ASB14: variants seen among roughly 807,000 people sequenced by gnomAD.
ASB14 encodes the protein ankyrin repeat and SOCS box protein 14.
In ASB14, 63 loss-of-function variants were observed where a neutral mutation model predicts 55.6. The ratio of observed to expected loss-of-function variants is 1.13; its 90% CI spans 0.92 to 1.40. ASB14 has a LOEUF of 1.40. ASB14 is among the 40% of genes most tolerant of loss of function. The pLI is 0.00. For synonymous variants in ASB14, 256 were observed against 259.9 expected, an observed-to-expected ratio of 0.98 and a Z score of 0.15; for missense variants, 724 against 710.4, an observed-to-expected ratio of 1.02 and a Z score of -0.22.
chr3:57,280,850 A>G (rs1223796771), intron 6 of ASB14, among the ~76,000 whole-genome samples: 1 of 152,196 alleles, frequency 6.6e-6, no homozygotes, highest in Non-Finnish European at 1.5e-5. Flanking sequence ...ATCAAACTAT[A>G]ATACCATGCC....
At chr3:57,281,276 A>T (rs1037521189) in intron 6 of ASB14, among the ~76,000 whole-genome samples, 1 of 151,424 alleles carries the variant, frequency 6.6e-6, no homozygotes, top group Non-Finnish European at 1.5e-5. Context: ...TATGTGAGTG[A>T]TGTGAATAAT....
rs1373848210 is a variant in ASB14 at position 57,268,702 on chromosome 3, CA to C, written c.*938del. 3.0e-6 allele frequency: 1 copy of C among 331,382 alleles called. No homozygotes were observed. Among genetic ancestry groups the C allele is most frequent in the African/African-American group, 2.1e-5 (1 of 47,108 alleles). The allele number at this position is 331,382 out of a possible 1,614,324, so 20.5% of individuals were successfully genotyped here. On this transcript the variant is annotated 3_prime_UTR_variant, in exon 11 of 11. Coordinates refer to ENST00000487349, the MANE Select transcript of ASB14 (RefSeq NM_001142733.3). ...ACGTTGACATGTAATATGACTGTTT[CA>C]AAAATATACCAGAACTTTAATATTT...
At position 57,288,032 on chromosome 3, in the gene ASB14, G is replaced by A; in HGVS notation, c.338C>T (p.Thr113Ile). 1 of 1,537,370 alleles carries A rather than the reference G, an allele frequency of 6.5e-7. No homozygotes were observed. The highest frequency in any genetic ancestry group is 2.4e-5 in the East Asian group (1 of 40,924). The change falls in exon 5 of 11, where the codon ACC becomes ATC. Residue 113 changes from threonine to isoleucine, a missense_variant. Transcript: ENST00000487349. Reference protein sequence around the residue: ...SASDPSLWEQTTHNGETPLFL... With the variant: ...SASDPSLWEQITHNGETPLFL... ...AAGTGGCGTTTCACCATTGTGAGTG[G>A]TTTGCTCCCACAGACTGGGGTCTGA...
chr3:57,281,691 A>C (rs901351693), intron 6 of ASB14, among the ~76,000 whole-genome samples: 1 of 152,176 alleles, frequency 6.6e-6, no homozygotes, highest in African/African-American at 2.4e-5. Flanking sequence ...GGTGCTTAAC[A>C]TACTCATTTT....
At chr3:57,281,523 G>A (rs531354814) in intron 6 of ASB14, among the ~76,000 whole-genome samples, 2 of 152,248 alleles carry the variant, frequency 1.3e-5, no homozygotes, top group African/African-American at 4.8e-5. Context: ...ATTTAACACA[G>A]ACTCCATAAG....
At chr3:57,277,293 A>G (rs559728301) in intron 9 of ASB14, among the ~76,000 whole-genome samples, 12 of 151,760 alleles carry the variant, frequency 7.9e-5, no homozygotes, top group Admixed American at 7.2e-4. Flanking sequence ...TGTGTGTTTT[A>G]GCCCCCTCAG....
chr3:57,271,404 C>G (rs1432359678), intron 10 of ASB14: 1 of 152,568 alleles, frequency 6.6e-6, no homozygotes, highest in African/African-American at 2.4e-5. Context: ...TTATTTTGTG[C>G]TTACCAAAAG....
intron 10 of ASB14, among the ~76,000 whole-genome samples, chr3:57,274,747 A>T (rs1160941614): frequency 6.6e-6 from 1 of 152,128 alleles, no homozygotes; most frequent in African/African-American, 2.4e-5. Context: ...ATTTAACGTA[A>T]CTGCCATCGG....
rs545957699 is a variant in ASB14, at chr3:57,278,650, C to T, written c.1158G>A (p.Pro386=). 2.8e-5 allele frequency: 46 copies of T among 1,614,132 alleles called. No homozygotes were observed. The highest frequency in any genetic ancestry group is 1.6e-4 in the South Asian group (15 of 91,066). The change falls in exon 8 of 11, where the codon CCG becomes CCA. Residue 386 remains proline (P), a synonymous_variant. Coordinates refer to ENST00000487349, the MANE Select transcript of ASB14 (RefSeq NM_001142733.3). ...TGAGGGCTATCTGGAGGCAGTTAACCGGGTCTTGATTAGGCAGAGCTCCAG... is the reference window on the plus strand; with the variant it reads ...TGAGGGCTATCTGGAGGCAGTTAACTGGGTCTTGATTAGGCAGAGCTCCAG... The part of the protein sequence containing the change: ...LSAGALPNQD[P]VNCLQIALRM...
intron 8 of ASB14, 61 bp downstream of exon 8, chr3:57,278,316 C>T (rs2061007316): frequency 7.2e-7 from 1 of 1,382,670 alleles, no homozygotes; most frequent in Admixed American, 1.8e-5. Context: ...CTATTTATTG[C>T]CATAGTTCCA....
At position 57,280,452 on chromosome 3, in the gene ASB14, G is replaced by T; in HGVS notation, c.737C>A (p.Ala246Asp). Residue 246 changes from alanine (A) to aspartate (D), a missense_variant, in exon 7 of 11, where the codon GCC (alanine) becomes GAC (aspartate). Ala to Asp is a moderately radical substitution (Grantham distance 126). Transcript: ENST00000487349. ...LRKGANAHGQ[A>D]SDSSSILLEA... Reference sequence around the variant, plus strand: ...AAGTAAGATGGAAGAAGAATCAGAGGCCTGACCATGAGCATTAGCTCCTAA... The same window carrying T: ...AAGTAAGATGGAAGAAGAATCAGAGTCCTGACCATGAGCATTAGCTCCTAA... 1.3e-6 allele frequency: 2 copies of T among 1,550,994 alleles called. No individual in the cohort carries two copies. Among genetic ancestry groups the T allele is most frequent in the Non-Finnish European group, 1.7e-6 (2 of 1,146,518 alleles).
chr3:57,278,343 C>T lies in ASB14; in HGVS notation c.1431+34G>A, dbSNP rs1037789500. ...ATAGTTCCAGGGCCACAAATAATGACTGTAAGGGAATACAGCCAATACTGT... is the reference window on the plus strand; with the variant it reads ...ATAGTTCCAGGGCCACAAATAATGATTGTAAGGGAATACAGCCAATACTGT... On this transcript the variant is annotated intron_variant, in intron 8 of 10. Transcript: ENST00000487349. The T allele has an allele frequency of 7.1e-6, 11 of 1,554,458 alleles. No individual in the cohort carries two copies. The African/African-American group carries it at 1.2e-4, about 17-fold the overall frequency.
intron 10 of ASB14, chr3:57,272,719 C>T (rs1261676989): frequency 6.6e-6 from 1 of 152,344 alleles, no homozygotes; most frequent in Non-Finnish European, 1.5e-5. Flanking sequence ...CCTGCCTCAG[C>T]CTCCCGAGTA....
In ASB14 at chr3:57,276,518, A is replaced by C; in HGVS notation, c.*22+10T>G. ...GTGAAATTTTAAGGAATACAGCTGC[A>C]AAATTATACCTTTTCCATTAGAATG... On this transcript the variant is annotated intron_variant, in intron 10 of 10. Transcript: ENST00000487349. 4 of 1,564,198 alleles carry C rather than the reference A, an allele frequency of 2.6e-6. No homozygotes were observed. The highest frequency in any genetic ancestry group is 2.6e-6 in the Non-Finnish European group (3 of 1,148,632).
chr3:57,288,764 G>C (rs569088635), intron 3 of ASB14, among the ~76,000 whole-genome samples: 1 of 139,366 alleles, frequency 7.2e-6, no homozygotes, highest in Non-Finnish European at 1.5e-5. Flanking sequence ...GCCCAGACTG[G>C]AGTGTGGTGG....
At position 57,277,789 on chromosome 3, in the gene ASB14, C is replaced by T. The variant is rs1184253145; in HGVS notation, c.1563G>A (p.Trp521Ter). The change falls in exon 9 of 11, where the codon TGG becomes TGA. Residue 521 changes from tryptophan to a stop codon, truncating the protein, a stop_gained. Coordinates refer to ENST00000487349, the MANE Select transcript of ASB14 (RefSeq NM_001142733.3). LOFTEE classifies it high-confidence loss of function. ...TACTTAAGATAAAATGTATTTCTGA[C>T]CAGATCCCCTGTTTTTGGAGCACAG... Reference protein sequence around the residue: ...LKAVLQKQGIWSEIHFILTNP... With the variant: ...LKAVLQKQGI 1 of 1,612,076 alleles carries T rather than the reference C, an allele frequency of 6.2e-7. No individual in the cohort carries two copies. Among genetic ancestry groups the T allele is most frequent in the Non-Finnish European group, 8.5e-7 (1 of 1,179,388 alleles).
intron 10 of ASB14, among the ~76,000 whole-genome samples, chr3:57,275,268 A>G (rs1444444933): frequency 1.3e-5 from 2 of 152,134 alleles, no homozygotes. Flanking sequence ...CCTGGCCAAC[A>G]TGATGAAACC....
At chr3:57,283,083 T>G in intron 6 of ASB14, 111 bp downstream of exon 6, 1 of 1,379,428 alleles carries the variant, frequency 7.2e-7, no homozygotes. Flanking sequence ...TATCAAACAT[T>G]TATATTAGGC....
At chr3:57,289,598 TAAGTA>T (rs539368641) in intron 2 of ASB14, among the ~76,000 whole-genome samples, 25 of 152,262 alleles carry the variant, frequency 1.6e-4, no homozygotes, top group Non-Finnish European at 2.9e-4. Flanking sequence ...TATTAGCAGT[TAAGTA>T]ATGTTTTTAT....
Sources: gnomAD v4.1 joint callset for allele counts (sites outside exome capture counted in the v4.1 genomes callset) on GRCh38, gnomAD v4.1.1 for gene constraint, MANE v1.5 for transcripts, NCBI Gene and HGNC (gene_info 2026-07-23, HGNC 2026-07-21) for gene names.